The following AGBL1 variants were observed in gnomAD, a reference collection of about 807,000 sequenced individuals.
The protein encoded by AGBL1 is AGBL carboxypeptidase 1.
In AGBL1, 130 loss-of-function variants were observed where a neutral mutation model predicts 118.9. The ratio of observed to expected loss-of-function variants is 1.09; its 90% CI spans 0.95 to 1.26. The LOEUF is 1.26. Among genes scored for constraint, AGBL1 ranks in the 50% most tolerant of loss-of-function variants. The pLI is 0.00. For missense variants in AGBL1, 1,584 were observed against 1,298.1 expected (o/e 1.22, Z -3.38); for synonymous variants, 555 against 478.9 (o/e 1.16, Z -2.08).
At chr15:86,296,598 C>T (rs1481964824) in intron 17 of AGBL1, 2 of 152,206 alleles carry the variant, frequency 1.3e-5, no homozygotes, top group African/African-American at 4.8e-5. Context: ...TATATTTTCT[C>T]ACACCCCATC....
chr15:86,820,858 C>A (rs1257734315), intron 22 of AGBL1, among the ~76,000 whole-genome samples: 1 of 152,130 alleles, frequency 6.6e-6, no homozygotes, highest in East Asian at 1.9e-4. Context: ...ATAAATCATT[C>A]TACTTTAAAG....
intron 17 of AGBL1, among the ~76,000 whole-genome samples, chr15:86,395,753 A>G (rs2081351537): frequency 6.6e-6 from 1 of 152,138 alleles, no homozygotes; most frequent in Admixed American, 6.6e-5. Context: ...CTGTCAGCAG[A>G]AATACGGAAG....
chr15:86,545,882 A>G lies in AGBL1; in HGVS notation c.2686-120A>G, dbSNP rs1408689980. Reference sequence around the variant, plus strand: ...TGGTCTGCTAACTCAACAGCATCCGAGAAAGTTGACATTGTAAACTTTCTT... The same window carrying G: ...TGGTCTGCTAACTCAACAGCATCCGGGAAAGTTGACATTGTAAACTTTCTT... On this transcript the variant is annotated intron_variant, in intron 19 of 22. Transcript: ENST00000614907. 5.6e-6 allele frequency: 7 copies of G among 1,260,184 alleles called. No individual in the cohort carries two copies. In the African/African-American group the frequency reaches 1.1e-4, roughly 19 times the overall value. 78.1% of individuals were successfully genotyped at this position (1,260,184 alleles called of 1,614,324 possible).
At chr15:86,679,899 A>T (rs1164518134) in intron 22 of AGBL1, among the ~76,000 whole-genome samples, 10 of 152,096 alleles carry the variant, frequency 6.6e-5, no homozygotes. Flanking sequence ...TGTGATCTGA[A>T]ATATTATTTT....
At position 86,488,240 on chromosome 15, in the gene AGBL1, T is replaced by C. The variant is rs572672056; in HGVS notation, c.2556-34570T>C. On this transcript the variant is annotated intron_variant, in intron 18 of 22. Coordinates refer to ENST00000614907, the MANE Select transcript of AGBL1 (RefSeq NM_001386094.1). ...CTAATTGCAGCCAGGATTCTGCAGC[T>C]GGGAAGTCACCCGAAGATATGTATT... Among the ~76,000 whole-genome samples, 38 of 152,196 alleles carry C rather than the reference T, an allele frequency of 2.5e-4. 1 individual carries two copies. The highest frequency in any genetic ancestry group is 8.2e-4 in the African/African-American group (34 of 41,562).
chr15:86,846,359 TAAG>T (rs550556632), intron 22 of AGBL1, among the ~76,000 whole-genome samples: 106 of 152,340 alleles, frequency 7.0e-4, no homozygotes, highest in African/African-American at 2.4e-3. Flanking sequence ...TTGTTTCTGA[TAAG>T]AAGTCTGCCA....
intron 18 of AGBL1, among the ~76,000 whole-genome samples, chr15:86,455,959 A>C (rs1450266007): frequency 6.6e-6 from 1 of 152,110 alleles, no homozygotes; most frequent in Non-Finnish European, 1.5e-5. Flanking sequence ...TCCCCACAAC[A>C]CTAGTTTTTA....
At chr15:86,201,224 A>G (rs1228989443) in intron 5 of AGBL1, among the ~76,000 whole-genome samples, 4 of 152,210 alleles carry the variant, frequency 2.6e-5, no homozygotes, top group African/African-American at 7.2e-5. Context: ...CTATAGATCA[A>G]TCAAGACCTA....
intron 23 of AGBL1, among the ~76,000 whole-genome samples, chr15:86,936,076 C>T (rs190521679): frequency 3.4e-4 from 52 of 152,328 alleles, no homozygotes; most frequent in East Asian, 2.5e-3. Context: ...GTCTCACAGG[C>T]GGGCTGCTCG....
At chr15:86,866,986 T>G (rs1438376955) in intron 22 of AGBL1, among the ~76,000 whole-genome samples, 1 of 152,188 alleles carries the variant, frequency 6.6e-6, no homozygotes, top group Admixed American at 6.5e-5. Flanking sequence ...TTTGATTAAC[T>G]AATGTCTGCA....
intron 22 of AGBL1, among the ~76,000 whole-genome samples, chr15:86,906,298 G>A (rs996779268): frequency 2.6e-5 from 4 of 152,220 alleles, no homozygotes; most frequent in Non-Finnish European, 5.9e-5. Context: ...AACTCCCCCT[G>A]CTCACAATAT....
chr15:86,937,981 TATTAA>T (rs2141648021), intron 23 of AGBL1, among the ~76,000 whole-genome samples: 1 of 152,318 alleles, frequency 6.6e-6, no homozygotes, highest in South Asian at 2.1e-4. Flanking sequence ...AGGTCTGATG[TATTAA>T]ATTAAATAGA....
At chr15:86,422,084 A>G (rs2081798989) in intron 18 of AGBL1, among the ~76,000 whole-genome samples, 1 of 152,162 alleles carries the variant, frequency 6.6e-6, no homozygotes, top group Admixed American at 6.5e-5. Context: ...ACTAAGCTCT[A>G]GACCAAGTGG....
At chr15:86,639,568 A>T (rs1190631253) in intron 21 of AGBL1, among the ~76,000 whole-genome samples, 1 of 152,032 alleles carries the variant, frequency 6.6e-6, no homozygotes, top group Non-Finnish European at 1.5e-5. Context: ...CCTCCCATCT[A>T]CTTAACTCAT....
intron 19 of AGBL1, among the ~76,000 whole-genome samples, chr15:86,529,821 A>C (rs934592712): frequency 5.3e-5 from 8 of 150,604 alleles, no homozygotes; most frequent in Non-Finnish European, 8.8e-5. Flanking sequence ...CTTAAAGAAA[A>C]GAATTTTCAA....
chr15:86,344,785 T>C (rs1336962583), intron 17 of AGBL1, among the ~76,000 whole-genome samples: 2 of 152,076 alleles, frequency 1.3e-5, no homozygotes, highest in Admixed American at 6.5e-5. Context: ...ACTATTAATG[T>C]TCTTATTACC....
intron 22 of AGBL1, among the ~76,000 whole-genome samples, chr15:86,846,783 C>G (rs369884925): frequency 6.6e-6 from 1 of 152,198 alleles, no homozygotes; most frequent in Non-Finnish European, 1.5e-5. Flanking sequence ...CCACCCGCCT[C>G]GGCCTCCCAA....
At chr15:86,538,589 A>G (rs1159423338) in intron 19 of AGBL1, among the ~76,000 whole-genome samples, 2 of 152,224 alleles carry the variant, frequency 1.3e-5, no homozygotes, top group Non-Finnish European at 2.9e-5. Flanking sequence ...AGTTAGCCTC[A>G]GTTGGTTTAA....
intron 1 of AGBL1, among the ~76,000 whole-genome samples, chr15:86,128,259 T>C (rs1433212250): frequency 3.9e-5 from 6 of 151,946 alleles, no homozygotes; most frequent in Non-Finnish European, 1.5e-5. Context: ...GCAAGAGAGC[T>C]TGTGCAGGGG....
Sources: allele counts gnomAD v4.1 joint callset (sites outside exome capture counted in the v4.1 genomes callset), GRCh38; gene constraint gnomAD v4.1.1; transcripts MANE v1.5; gene names NCBI Gene and HGNC (gene_info 2026-07-23, HGNC 2026-07-21).